Variants in F13B observed in about 807,000 individuals in gnomAD.
The protein encoded by F13B is coagulation factor XIII B chain.
A neutral mutation model predicts 79.8 loss-of-function variants in F13B; 58 were observed. The ratio of observed to expected loss-of-function variants is 0.73; its 90% CI spans 0.59 to 0.90. F13B has a LOEUF of 0.90. F13B is among the 40% of genes least tolerant of loss of function. The pLI is 0.00. For synonymous variants in F13B, 283 were observed against 260.3 expected (o/e 1.09, Z -0.84); for missense variants, 773 against 777.0 (o/e 0.99, Z 0.06).
At chr1:197,053,637 T>C (rs1378272519) in intron 8 of F13B, among the ~76,000 whole-genome samples, 1 of 151,914 alleles carries the variant, frequency 6.6e-6, no homozygotes, top group African/African-American at 2.4e-5. Context: ...ACTAACACAG[T>C]GGCCATCTTT....
At chr1:197,065,984 C>A in intron 1 of F13B, among the ~76,000 whole-genome samples, 1 of 123,460 alleles carries the variant, frequency 8.1e-6, no homozygotes. Context: ...TCTTGGTCTT[C>A]AAGCAGCTTA....
chr1:197,061,829 G>A lies in F13B; in HGVS notation c.406C>T (p.Leu136Phe), dbSNP rs757094432. 3.7e-6 allele frequency: 6 copies of A among 1,613,280 alleles called. No homozygotes were observed. The highest frequency in any genetic ancestry group is 1.7e-5 in the Admixed American group (1 of 59,896). ...GGTTGAGAAGACCATCCATCAGAGA[G>A]ACATTGAACCACTTCTTCATCCTTC... ...GGKDEEVVQC[L>F]SDGWSSQPTC... Residue 136 changes from leucine (L) to phenylalanine (F), a missense_variant, in exon 3 of 12, where the codon CTC becomes TTC. Leu to Phe is a conservative substitution (Grantham distance 22, BLOSUM62 0). Coordinates refer to ENST00000367412, the MANE Select transcript of F13B (RefSeq NM_001994.3).
rs1655921180 is a variant in F13B at position 197,062,955 on chromosome 1, G to C, written c.167C>G (p.Ser56Ter). 1 of 1,613,774 alleles carries C rather than the reference G, an allele frequency of 6.2e-7. No homozygotes were observed. The highest frequency in any genetic ancestry group is 1.3e-5 in the African/African-American group (1 of 75,018). ...YFPMSIDKKL[S>*]FFCLAGYTTE... ...GGTATAACCAGCCAAGCAGAAAAAT[G>C]ACAATTTTTTGTCTATGCTCATTGG... is the stretch of plus-strand genomic sequence containing the variant. Residue 56 changes from serine (S) to a stop codon, truncating the protein, a stop_gained, in exon 2 of 12, where the codon TCA (serine) becomes TGA (stop). Coordinates refer to ENST00000367412, the MANE Select transcript of F13B (RefSeq NM_001994.3). LOFTEE classifies it high-confidence loss of function.
At chr1:197,060,263 C>T (rs1655802019) in intron 5 of F13B, 103 bp downstream of exon 5, 1 of 790,980 alleles carries the variant, frequency 1.3e-6, no homozygotes, top group Non-Finnish European at 2.1e-6. Flanking sequence ...AAATAGGACT[C>T]AGGAAAAAAA....
intron 5 of F13B, among the ~76,000 whole-genome samples, chr1:197,058,547 C>A (rs1365607781): frequency 6.6e-6 from 1 of 152,098 alleles, no homozygotes; most frequent in East Asian, 1.9e-4. Flanking sequence ...GGCTCACAAC[C>A]CCTTCCTCAA....
At chr1:197,040,406 A>ATTTTTT in intron 11 of F13B, 116 bp downstream of exon 11, 1 of 700,098 alleles carries the variant, frequency 1.4e-6, no homozygotes, top group Non-Finnish European at 2.4e-6. Flanking sequence ...AAATATTATT[A>ATTTTTT]TTTTTTCTTT....
At chr1:197,040,364 C>T in intron 11 of F13B, 158 bp downstream of exon 11, 1 of 601,240 alleles carries the variant, frequency 1.7e-6, no homozygotes, top group South Asian at 2.2e-5. Context: ...TTACCACTTC[C>T]AGTTGTTTGT....
At chr1:197,056,988 C>T in intron 7 of F13B, 25 bp downstream of exon 7, 1 of 1,610,704 alleles carries the variant, frequency 6.2e-7, no homozygotes, top group Non-Finnish European at 8.5e-7. Flanking sequence ...AGTTTAGCTA[C>T]TGATGGTAAA....
intron 1 of F13B, among the ~76,000 whole-genome samples, chr1:197,065,707 T>A (rs1015001572): frequency 1.3e-5 from 2 of 152,264 alleles, no homozygotes; most frequent in Non-Finnish European, 2.9e-5. Context: ...TACAGAAAGA[T>A]AAGTTGGTTA....
At chr1:197,063,137 T>C (rs1190185442) in intron 1 of F13B, 80 bp from the exon 2 acceptor site, 86 of 1,279,572 alleles carry the variant, frequency 6.7e-5, no homozygotes, top group Non-Finnish European at 9.2e-5. Flanking sequence ...CAATACAAAC[T>C]AAAAGTTTTT....
At position 197,062,938 on chromosome 1, in the gene F13B, C is replaced by T; in HGVS notation, c.184G>A (p.Gly62Ser). The change falls in exon 2 of 12, where the codon GGT (glycine) becomes AGT (serine). Residue 62 changes from glycine to serine, a missense_variant. Coordinates refer to ENST00000367412, the MANE Select transcript of F13B (RefSeq NM_001994.3). ...TGTCTTCCACTTTCAGTGGTATAACCAGCCAAGCAGAAAAATGACAATTTT... is the reference window on the plus strand; with the variant it reads ...TGTCTTCCACTTTCAGTGGTATAACTAGCCAAGCAGAAAAATGACAATTTT... ...DKKLSFFCLAGYTTESGRQEE... is the reference protein window; with the variant it reads ...DKKLSFFCLASYTTESGRQEE... The T allele has an allele frequency of 1.9e-6, 3 of 1,613,876 alleles. No homozygotes were observed. The highest frequency in any genetic ancestry group is 8.5e-7 in the Non-Finnish European group (1 of 1,179,836).
chr1:197,062,148 GT>G (rs780467036), intron 2 of F13B, among the ~76,000 whole-genome samples, 179 bp from the exon 3 acceptor site: 12 of 151,876 alleles, frequency 7.9e-5, no homozygotes, highest in Non-Finnish European at 1.6e-4. Flanking sequence ...ACTAATTTTA[GT>G]TCTTATAGTA....
In F13B at chr1:197,063,000, G is replaced by C; in HGVS notation, c.122C>G (p.Thr41Ser). Residue 41 changes from threonine (T) to serine (S), a missense_variant, in exon 2 of 12, where the codon ACT (threonine) becomes AGT (serine). Thr to Ser is a moderately conservative substitution (Grantham distance 58). Transcript: ENST00000367412. ...CATTGGAAAGTAAAAGCTTTTAAAA[G>C]TATAGTAATATTGGGCAATTCTTCC... is the stretch of plus-strand genomic sequence containing the variant. ...ENGRIAQYYY[T>S]FKSFYFPMSI... The C allele has an allele frequency of 6.2e-7, 1 of 1,613,450 alleles. No individual in the cohort carries two copies. Among genetic ancestry groups the C allele is most frequent in the Non-Finnish European group, 8.5e-7 (1 of 1,179,670 alleles).
chr1:197,061,845 T>TTC lies in F13B; in HGVS notation c.388_389dup (p.Glu131LysfsTer43). Reference sequence around the variant, plus strand: ...CATCAGAGAGACATTGAACCACTTCTTCATCCTTCCCTCCAGTGGTTTTGT... The same window carrying TTC: ...CATCAGAGAGACATTGAACCACTTCTTCTCATCCTTCCCTCCAGTGGTTTTGT... On this transcript the variant is annotated frameshift_variant, in exon 3 of 12. Transcript: ENST00000367412. LOFTEE classifies it high-confidence loss of function. 2 of 1,613,482 alleles carry TTC rather than the reference T, an allele frequency of 1.2e-6. No homozygotes were observed. The highest frequency in any genetic ancestry group is 1.7e-6 in the Non-Finnish European group (2 of 1,179,620).
chr1:197,057,020 C>A lies in F13B; in HGVS notation c.1164G>T (p.Glu388Asp), dbSNP rs1655665235. ...CNRGKWTLPPECVENNENCKH... is the reference protein window; with the variant it reads ...CNRGKWTLPPDCVENNENCKH... Reference sequence around the variant, plus strand: ...TAAATGTAGCATACATACCAACACACTCAGGAGGAAGTGTCCATTTTCCAC... The same window carrying A: ...TAAATGTAGCATACATACCAACACAATCAGGAGGAAGTGTCCATTTTCCAC... Residue 388 changes from glutamate (E) to aspartate (D), a missense_variant, in exon 7 of 12, where the codon GAG becomes GAT. Glu to Asp is a conservative substitution (Grantham distance 45). Coordinates refer to ENST00000367412, the MANE Select transcript of F13B (RefSeq NM_001994.3). The A allele has an allele frequency of 1.2e-6, 2 of 1,613,356 alleles. No individual in the cohort carries two copies. Among genetic ancestry groups the A allele is most frequent in the Non-Finnish European group, 1.7e-6 (2 of 1,179,830 alleles).
intron 8 of F13B, 22 bp from the exon 9 acceptor site, chr1:197,052,856 T>A (rs1254019685): frequency 4.4e-5 from 69 of 1,571,208 alleles, no homozygotes; most frequent in Middle Eastern, 2.3e-4. Context: ...AATGCTCTTT[T>A]AAATTCTTTA....
chr1:197,051,088 T>A (rs989070948), intron 9 of F13B, among the ~76,000 whole-genome samples: 6 of 152,084 alleles, frequency 3.9e-5, no homozygotes, highest in Non-Finnish European at 8.8e-5. Flanking sequence ...CATTTTTCTT[T>A]TGTAGAGACA....
At chr1:197,042,589 C>T (rs962259370) in intron 10 of F13B, among the ~76,000 whole-genome samples, 1 of 146,604 alleles carries the variant, frequency 6.8e-6, no homozygotes, top group African/African-American at 2.5e-5. Context: ...GAGGCCAAGG[C>T]GGGCGGATCA....
At chr1:197,052,498 GTAAAA>G (rs953608446) in intron 9 of F13B, 131 bp downstream of exon 9, 14 of 607,734 alleles carry the variant, frequency 2.3e-5, no homozygotes, top group Non-Finnish European at 3.5e-5. Context: ...AGAACTCAAA[GTAAAA>G]TAAAATAAAA....
Sources: gnomAD v4.1 joint callset for allele counts (sites outside exome capture counted in the v4.1 genomes callset) on GRCh38, gnomAD v4.1.1 for gene constraint, MANE v1.5 for transcripts, NCBI Gene and HGNC (gene_info 2026-07-23, HGNC 2026-07-21) for gene names.